Variants in CTNNA3 observed in about 807,000 individuals in gnomAD.
CTNNA3 encodes the protein catenin alpha 3.
CTNNA3 carries 76 observed loss-of-function variants against 95.7 expected under a neutral mutation model. The observed-to-expected ratio is 0.79, with a 90% CI of 0.66 to 0.96. The LOEUF (loss-of-function observed/expected upper bound fraction) is 0.96, where lower values mean the gene tolerates loss of function less well. CTNNA3 is among the 40% of genes least tolerant of loss of function. The pLI is 0.00. For missense variants in CTNNA3, 1,191 were observed against 1,089.8 expected (o/e 1.09, Z -1.31); for synonymous variants, 431 against 374.4 (o/e 1.15, Z -1.74).
intron 5 of CTNNA3, among the ~76,000 whole-genome samples, chr10:67,233,565 A>T: frequency 2.1e-5 from 3 of 141,436 alleles, no homozygotes; most frequent in African/African-American, 8.1e-5. Flanking sequence ...AGCAGGAAAG[A>T]TCCAAAATTG....
intron 7 of CTNNA3, among the ~76,000 whole-genome samples, chr10:67,117,603 T>C (rs990349617): frequency 6.6e-5 from 10 of 152,080 alleles, no homozygotes; most frequent in Non-Finnish European, 1.2e-4. Flanking sequence ...AGTGTATAAA[T>C]ATTGTTTGAA....
At chr10:67,609,744 G>C (rs563216174) in intron 2 of CTNNA3, among the ~76,000 whole-genome samples, 1 of 152,282 alleles carries the variant, frequency 6.6e-6, no homozygotes, top group Non-Finnish European at 1.5e-5. Flanking sequence ...ATATTTTCTA[G>C]TTTGTTCCCC....
At chr10:65,938,788 G>C (rs939328600) in intron 17 of CTNNA3, among the ~76,000 whole-genome samples, 2 of 152,010 alleles carry the variant, frequency 1.3e-5, no homozygotes, top group South Asian at 4.2e-4. Flanking sequence ...GAGCCTATTC[G>C]ATCCCTTATA....
At chr10:67,540,252 T>C (rs1013938542) in intron 3 of CTNNA3, among the ~76,000 whole-genome samples, 2 of 152,016 alleles carry the variant, frequency 1.3e-5, no homozygotes, top group Non-Finnish European at 2.9e-5. Flanking sequence ...AAAAGAAATA[T>C]GTATTCTTTC....
Position 67,386,775 on chromosome 10 carries a change from G to A in CTNNA3, c.579+135067C>T, listed in dbSNP as rs60641487. Among the ~76,000 whole-genome samples the A allele has an allele frequency of 1.1e-3, 172 of 152,308 alleles. 3 individuals carry two copies. In the East Asian group the frequency reaches 0.014, roughly 12 times the overall value. ...CTGAGAATGATAAAGGTAGGAAATA[G>A]TGTCTGTCACTTAATGATTACATGA... On this transcript the variant is annotated intron_variant, in intron 5 of 17. Transcript: ENST00000433211.
At chr10:66,157,398 T>G (rs1457741246) in intron 13 of CTNNA3, among the ~76,000 whole-genome samples, 1 of 151,138 alleles carries the variant, frequency 6.6e-6, no homozygotes, top group African/African-American at 2.4e-5. Context: ...CTGAGTAGTA[T>G]TCTATCATAG....
At chr10:66,764,526 C>T (rs150186200) in intron 9 of CTNNA3, among the ~76,000 whole-genome samples, 1,524 of 152,242 alleles carry the variant, frequency 0.01, 26 homozygotes, top group African/African-American at 0.034. Flanking sequence ...CCAAGGCACC[C>T]TTCTTCATCA....
intron 7 of CTNNA3, among the ~76,000 whole-genome samples, chr10:67,058,943 CAA>C (rs1191858196): frequency 4.0e-5 from 6 of 151,852 alleles, no homozygotes; most frequent in Non-Finnish European, 7.4e-5. Flanking sequence ...CATAAATCAC[CAA>C]AAAAAGGCAA....
chr10:66,723,142 AAGG>A (rs1285248970), intron 9 of CTNNA3, among the ~76,000 whole-genome samples: 1 of 152,154 alleles, frequency 6.6e-6, no homozygotes, highest in Non-Finnish European at 1.5e-5. Flanking sequence ...AGGGGAGAGA[AAGG>A]AGCTGACTCT....
chr10:66,073,462 T>C (rs190661852), intron 14 of CTNNA3, among the ~76,000 whole-genome samples: 3 of 152,294 alleles, frequency 2.0e-5, no homozygotes, highest in Admixed American at 2.0e-4. Context: ...GTACATTCAC[T>C]GCTGTTAGGA....
chr10:66,598,169 T>A (rs1417012916), intron 10 of CTNNA3, among the ~76,000 whole-genome samples: 2 of 152,000 alleles, frequency 1.3e-5, no homozygotes, highest in African/African-American at 4.8e-5. Context: ...AAAAATAACA[T>A]CTCAATAGAT....
At chr10:66,768,320 T>C (rs1839947103) in intron 8 of CTNNA3, among the ~76,000 whole-genome samples, 2 of 152,122 alleles carry the variant, frequency 1.3e-5, no homozygotes, top group Non-Finnish European at 2.9e-5. Flanking sequence ...AGGGCCAGCA[T>C]ATGGGAACTA....
chr10:66,223,313 C>G (rs1006953340), intron 13 of CTNNA3, among the ~76,000 whole-genome samples: 15 of 152,062 alleles, frequency 9.9e-5, no homozygotes, highest in African/African-American at 3.6e-4. Context: ...TAATGGGTTA[C>G]TTATGAAAAT....
chr10:67,304,252 T>G (rs780146407), intron 5 of CTNNA3, among the ~76,000 whole-genome samples: 1 of 152,220 alleles, frequency 6.6e-6, no homozygotes, highest in Non-Finnish European at 1.5e-5. Context: ...TTTGTCTGAA[T>G]GTGAAGTCTC....
At chr10:66,685,198 T>A in intron 9 of CTNNA3, among the ~76,000 whole-genome samples, 1 of 41,806 alleles carries the variant, frequency 2.4e-5, no homozygotes, top group Non-Finnish European at 4.7e-5. Flanking sequence ...TACGTGTATA[T>A]ATATATACGT....
intron 9 of CTNNA3, among the ~76,000 whole-genome samples, chr10:66,725,614 C>T (rs780617625): frequency 6.6e-6 from 1 of 152,058 alleles, no homozygotes; most frequent in Non-Finnish European, 1.5e-5. Flanking sequence ...AACAACATTG[C>T]CCAGTTACTC....
chr10:66,198,169 G>T (rs1166405177), intron 13 of CTNNA3, among the ~76,000 whole-genome samples: 1 of 152,080 alleles, frequency 6.6e-6, no homozygotes, highest in Non-Finnish European at 1.5e-5. Flanking sequence ...TGTGGGGATT[G>T]CTCAAACATT....
At chr10:66,324,445 T>G (rs565954098) in intron 12 of CTNNA3, among the ~76,000 whole-genome samples, 6 of 152,160 alleles carry the variant, frequency 3.9e-5, no homozygotes, top group Non-Finnish European at 8.8e-5. Flanking sequence ...CTTCTGCCCT[T>G]GCAAAAAGGC....
At chr10:67,105,836 A>C (rs1858604081) in intron 7 of CTNNA3, among the ~76,000 whole-genome samples, 1 of 152,222 alleles carries the variant, frequency 6.6e-6, no homozygotes, top group Non-Finnish European at 1.5e-5. Flanking sequence ...GGTCTAGGGA[A>C]AGACACTGAA....
Sources: gnomAD v4.1 joint callset for allele counts (sites outside exome capture counted in the v4.1 genomes callset) on GRCh38, gnomAD v4.1.1 for gene constraint, MANE v1.5 for transcripts, NCBI Gene and HGNC (gene_info 2026-07-23, HGNC 2026-07-21) for gene names.